Variants in BPI observed in about 807,000 individuals in gnomAD.
The protein encoded by BPI is bactericidal permeability increasing protein.
In BPI, 48 loss-of-function variants were observed where a neutral mutation model predicts 57.6. The ratio of observed to expected loss-of-function variants is 0.83; its 90% confidence interval spans 0.66 to 1.06. The LOEUF is 1.06. Among genes scored for constraint, BPI ranks in the 50% least tolerant of loss-of-function variants. BPI has a pLI of 0.00. For synonymous variants in BPI, 237 were observed against 238.2 expected (o/e 0.99, Z 0.05); for missense variants, 651 against 609.7 (o/e 1.07, Z -0.71).
chr20:38,330,442 T>A lies in BPI; in HGVS notation c.1230-606T>A, dbSNP rs189576823. Among the ~76,000 whole-genome samples the A allele has an allele frequency of 3.5e-3, 539 of 152,326 alleles. 3 individuals are homozygous for A. Among genetic ancestry groups the A allele is most frequent in the Non-Finnish European group, 5.9e-3 (402 of 68,034 alleles). On this transcript the variant is annotated intron_variant, in intron 11 of 14. Transcript: ENST00000642449. Reference sequence around the variant, plus strand: ...GGTTGGGGTTCAATAAACAGCCATATGTTCCCCCCTTCCTCTGAGATCACT... The same window carrying A: ...GGTTGGGGTTCAATAAACAGCCATAAGTTCCCCCCTTCCTCTGAGATCACT...
At chr20:38,305,053 G>A (rs1208057023) in intron 1 of BPI, among the ~76,000 whole-genome samples, 1 of 152,236 alleles carries the variant, frequency 6.6e-6, no homozygotes, top group Admixed American at 6.5e-5. Flanking sequence ...GCTCGATGCT[G>A]CCTCCCGATG....
intron 12 of BPI, among the ~76,000 whole-genome samples, chr20:38,332,381 C>T (rs1292784642): frequency 6.6e-6 from 1 of 151,990 alleles, no homozygotes; most frequent in Non-Finnish European, 1.5e-5. Flanking sequence ...CTCAGCCAGG[C>T]AGAAGAGAAA....
intron 5 of BPI, chr20:38,318,121 CAA>C: frequency 3.0e-4 from 200 of 655,784 alleles, no homozygotes; most frequent in South Asian, 3.5e-4. Context: ...ACAACAGCAA[CAA>C]AAAAAAAAAA....
rs138241199 is a variant in BPI, at chr20:38,312,195, C to T, written c.600+258C>T. ...CCAAGCTTGGGCCACCTCTGCTTTTCCCCAGCCTTCCTCCCTGCTGAGAAA... is the reference window on the plus strand; with the variant it reads ...CCAAGCTTGGGCCACCTCTGCTTTTTCCCAGCCTTCCTCCCTGCTGAGAAA... On this transcript the variant is annotated intron_variant, in intron 5 of 14. Transcript: ENST00000642449. 2.0e-5 allele frequency among the ~76,000 whole-genome samples: 3 copies of T among 152,276 alleles called. No homozygotes were observed. The East Asian group carries it at 5.8e-4, about 29-fold the overall frequency.
intron 7 of BPI, among the ~76,000 whole-genome samples, chr20:38,323,471 A>G (rs1343410705): frequency 6.6e-6 from 1 of 152,130 alleles, no homozygotes; most frequent in Admixed American, 6.5e-5. Context: ...ACAGGATTTC[A>G]CTGTTCTTTT....
At chr20:38,336,993 G>C (rs569985332) in intron 14 of BPI, among the ~76,000 whole-genome samples, 153 bp from the exon 15 acceptor site, 1 of 149,870 alleles carries the variant, frequency 6.7e-6, no homozygotes, top group African/African-American at 2.5e-5. Context: ...TGTAGATCCG[G>C]GCAGCGAAAC....
chr20:38,329,267 C>T (rs1002408539), intron 11 of BPI, among the ~76,000 whole-genome samples: 10 of 152,080 alleles, frequency 6.6e-5, no homozygotes, highest in Non-Finnish European at 7.4e-5. Context: ...GTGATGGCCC[C>T]CCGCAGTTAG....
At chr20:38,308,843 C>A (rs984889685) in intron 2 of BPI, 87 bp from the exon 3 acceptor site, 1 of 1,520,070 alleles carries the variant, frequency 6.6e-7, no homozygotes, top group African/African-American at 1.4e-5. Context: ...TGGTGGGGGA[C>A]GAGTCTGCAT....
chr20:38,323,845 C>G, intron 7 of BPI, 25 bp from the exon 8 acceptor site: 1 of 1,608,354 alleles, frequency 6.2e-7, no homozygotes, highest in East Asian at 2.2e-5. Flanking sequence ...AATATCTGGG[C>G]TCACTCTGTT....
In BPI at chr20:38,336,810, CAG is replaced by C. The variant is rs1156289032; in HGVS notation, c.1414-330_1414-329del. Among the ~76,000 whole-genome samples the C allele has an allele frequency of 5.3e-5, 8 of 152,246 alleles. 1 individual carries two copies. Among genetic ancestry groups the C allele is most frequent in the South Asian group, 2.1e-4 (1 of 4,814 alleles). ...ATCCTGAGTGAAGGACACAAAGAAGCAGAGAGAAGTGGTTTTGCAGCCTTGAT... is the reference window on the plus strand; with the variant it reads ...ATCCTGAGTGAAGGACACAAAGAAGCAGAGAAGTGGTTTTGCAGCCTTGAT... On this transcript the variant is annotated intron_variant, in intron 14 of 14. Coordinates refer to ENST00000642449, the MANE Select transcript of BPI (RefSeq NM_001725.3).
chr20:38,323,434 A>G (rs1489942775), intron 7 of BPI, among the ~76,000 whole-genome samples: 1 of 152,248 alleles, frequency 6.6e-6, no homozygotes, highest in Non-Finnish European at 1.5e-5. Flanking sequence ...CTCTTTTCCC[A>G]TTTTGCTAAG....
At chr20:38,334,048 C>T (rs143326329) in intron 12 of BPI, among the ~76,000 whole-genome samples, 55 of 152,166 alleles carry the variant, frequency 3.6e-4, no homozygotes, top group African/African-American at 1.3e-3. Flanking sequence ...TGCCAAATAG[C>T]CGTCAAAGAG....
chr20:38,337,334 C>T lies in BPI; in HGVS notation c.*150C>T, dbSNP rs908378049. 2.7e-5 allele frequency: 17 copies of T among 626,944 alleles called. No homozygotes were observed. The highest frequency in any genetic ancestry group is 2.5e-4 in the African/African-American group (13 of 52,114). The allele number at this position is 626,944 out of a possible 1,614,324, so 38.8% of individuals were successfully genotyped here. ...CTCAGATTCAGAAATGATCTAAACACGAGGAAACATTATTCATTGGAAAAG... is the reference window on the plus strand; with the variant it reads ...CTCAGATTCAGAAATGATCTAAACATGAGGAAACATTATTCATTGGAAAAG... On this transcript the variant is annotated 3_prime_UTR_variant, in exon 15 of 15. Transcript: ENST00000642449.
chr20:38,318,243 C>T, intron 5 of BPI, among the ~76,000 whole-genome samples, 170 bp from the exon 6 acceptor site: 1 of 152,116 alleles, frequency 6.6e-6, no homozygotes. Flanking sequence ...TTCTAAGCTA[C>T]ATGTTCAACT....
At chr20:38,313,036 G>A (rs1420865564) in intron 5 of BPI, among the ~76,000 whole-genome samples, 1 of 152,122 alleles carries the variant, frequency 6.6e-6, no homozygotes, top group African/African-American at 2.4e-5. Flanking sequence ...AACTAGCTGT[G>A]TAACCTTGAG....
At chr20:38,307,730 C>A in intron 2 of BPI, 49 bp downstream of exon 2, 1 of 1,441,664 alleles carries the variant, frequency 6.9e-7, no homozygotes, top group South Asian at 1.2e-5. Context: ...TTGTAGTGTT[C>A]TGGGGACACC....
chr20:38,304,213 TGAGA>T lies in BPI; in HGVS notation c.-6_-3del, dbSNP rs758998961. ...TTGAGGTTTTGGCAGCTCTGGAGGA[TGAGA>T]GAGAACATGGCCAGGGGCCCTTGCA... On this transcript the variant is annotated 5_prime_UTR_variant, in exon 1 of 15. Transcript: ENST00000642449. The T allele has an allele frequency of 7.0e-5, 113 of 1,613,678 alleles. No individual in the cohort carries two copies. Among genetic ancestry groups the T allele is most frequent in the Non-Finnish European group, 2.1e-5 (25 of 1,179,852 alleles).
chr20:38,307,815 C>A, intron 2 of BPI, 134 bp downstream of exon 2: 1 of 757,114 alleles, frequency 1.3e-6, no homozygotes, highest in Non-Finnish European at 2.1e-6. Flanking sequence ...TTACATCATC[C>A]CAAGGGGAGG....
intron 11 of BPI, among the ~76,000 whole-genome samples, chr20:38,328,258 A>T (rs2076723755): frequency 6.6e-6 from 1 of 152,192 alleles, no homozygotes; most frequent in African/African-American, 2.4e-5. Context: ...CGACTGTCAA[A>T]TAAGCCCAGT....
Sources: allele counts gnomAD v4.1 joint callset (sites outside exome capture counted in the v4.1 genomes callset), GRCh38; gene constraint gnomAD v4.1.1; transcripts MANE v1.5; gene names NCBI Gene and HGNC (gene_info 2026-07-23, HGNC 2026-07-21).